The following CCR3 variants were observed in gnomAD, a reference collection of about 807,000 sequenced individuals.
CCR3 encodes the protein C-C motif chemokine receptor 3.
For missense variants in CCR3, 419 were observed against 437.5 expected (o/e 0.96, Z 0.38); for synonymous variants, 203 against 179.2 (o/e 1.13, Z -1.06).
chr3:46,227,643 A>G (rs1309111739), intron 2 of CCR3, among the ~76,000 whole-genome samples: 1 of 152,204 alleles, frequency 6.6e-6, no homozygotes, highest in African/African-American at 2.4e-5. Context: ...GTTCTTTTCT[A>G]ATGGAAGAAT....
At chr3:46,233,150 C>G (rs1699985314) in intron 2 of CCR3, among the ~76,000 whole-genome samples, 1 of 152,298 alleles carries the variant, frequency 6.6e-6, no homozygotes, top group East Asian at 1.9e-4. Flanking sequence ...TTTTGTAAAG[C>G]TTTCACAGGA....
intron 1 of CCR3, among the ~76,000 whole-genome samples, chr3:46,260,460 G>A (rs1411924589): frequency 6.6e-6 from 1 of 152,238 alleles, no homozygotes; most frequent in African/African-American, 2.4e-5. Context: ...TGAGGGTACA[G>A]GCATTGGGTA....
intron 1 of CCR3, among the ~76,000 whole-genome samples, chr3:46,257,674 A>G (rs1700454269): frequency 3.3e-5 from 5 of 152,180 alleles, no homozygotes; most frequent in African/African-American, 1.2e-4. Context: ...AATCTATATT[A>G]GTCTGGGTTC....
At chr3:46,260,560 T>C (rs34442386) in intron 1 of CCR3, among the ~76,000 whole-genome samples, 41,282 of 152,118 alleles carry the variant, frequency 0.27, 6,053 homozygotes, top group East Asian at 0.6. Context: ...CAGTCAAACC[T>C]TAAAGCTCCA....
chr3:46,232,089 TC>T (rs1320481460), intron 2 of CCR3, among the ~76,000 whole-genome samples: 2 of 152,236 alleles, frequency 1.3e-5, no homozygotes, highest in African/African-American at 4.8e-5. Flanking sequence ...AAATCATTGT[TC>T]AATTTTTTTC....
intron 2 of CCR3, among the ~76,000 whole-genome samples, chr3:46,221,143 G>A (rs890977278): frequency 1.3e-5 from 2 of 152,222 alleles, no homozygotes; most frequent in African/African-American, 4.8e-5. Flanking sequence ...TGGCCACGGA[G>A]AGTATTTACA....
chr3:46,253,408 C>A (rs1325249955), intron 1 of CCR3, among the ~76,000 whole-genome samples: 1 of 152,168 alleles, frequency 6.6e-6, no homozygotes, highest in Non-Finnish European at 1.5e-5. Flanking sequence ...ACTCTCTCCC[C>A]TCCCCAAAGT....
intron 1 of CCR3, among the ~76,000 whole-genome samples, chr3:46,260,513 G>C (rs146818166): frequency 0.011 from 1,649 of 152,194 alleles, 24 homozygotes; most frequent in Middle Eastern, 0.044. Flanking sequence ...AAAACAAAGG[G>C]GCTACAGGCC....
chr3:46,217,639 T>C (rs189024531), intron 2 of CCR3, among the ~76,000 whole-genome samples: 67 of 152,004 alleles, frequency 4.4e-4, no homozygotes, highest in African/African-American at 1.6e-3. Context: ...TGGAATAAAA[T>C]TGGAAATTAA....
At chr3:46,220,149 C>T (rs1419807877) in intron 2 of CCR3, among the ~76,000 whole-genome samples, 1 of 152,032 alleles carries the variant, frequency 6.6e-6, no homozygotes, top group African/African-American at 2.4e-5. Context: ...AAGAAAAGAA[C>T]AAATAATCCC....
upstream of CCR3, among the ~76,000 whole-genome samples, chr3:46,239,071 G>A (rs1353353525): frequency 6.6e-6 from 1 of 152,098 alleles, no homozygotes; most frequent in Non-Finnish European, 1.5e-5. Flanking sequence ...CCTTAAAATG[G>A]GTGCAAGCAA....
chr3:46,257,645 C>A (rs967957519), intron 1 of CCR3, among the ~76,000 whole-genome samples: 4 of 152,210 alleles, frequency 2.6e-5, no homozygotes, highest in East Asian at 3.9e-4. Context: ...AAGGATGATA[C>A]TCAGCTTCCT....
intron 2 of CCR3, among the ~76,000 whole-genome samples, chr3:46,215,470 G>A (rs185848496): frequency 8.5e-4 from 129 of 152,234 alleles, no homozygotes; most frequent in African/African-American, 3.0e-3. Flanking sequence ...AATCAGTGCT[G>A]GACCCTGCTG....
upstream of CCR3, among the ~76,000 whole-genome samples, chr3:46,238,759 T>C (rs1269808333): frequency 6.6e-6 from 1 of 152,152 alleles, no homozygotes; most frequent in Non-Finnish European, 1.5e-5. Context: ...TGGGGGGACC[T>C]GAGGGACCCT....
intron 2 of CCR3, among the ~76,000 whole-genome samples, chr3:46,215,910 T>G (rs565094513): frequency 6.6e-6 from 1 of 152,328 alleles, no homozygotes; most frequent in African/African-American, 2.4e-5. Context: ...TGGCTACTTC[T>G]GAGACCCAAC....
At chr3:46,239,226 C>T (rs900373665), upstream of CCR3, among the ~76,000 whole-genome samples, 2 of 152,146 alleles carry the variant, frequency 1.3e-5, no homozygotes, top group African/African-American at 4.8e-5. Context: ...ATGGAAGTGA[C>T]TGAATTTTTA....
chr3:46,232,982 G>A (rs1246241623), intron 2 of CCR3, among the ~76,000 whole-genome samples: 1 of 152,162 alleles, frequency 6.6e-6, no homozygotes, highest in Non-Finnish European at 1.5e-5. Flanking sequence ...ATAGGCACAC[G>A]CCACCACGCC....
chr3:46,211,952 C>T (rs952391790), intron 2 of CCR3, among the ~76,000 whole-genome samples: 5 of 152,174 alleles, frequency 3.3e-5, no homozygotes, highest in African/African-American at 1.2e-4. Context: ...GTCTAGGTCT[C>T]TGATTCCTTA....
intron 2 of CCR3, among the ~76,000 whole-genome samples, chr3:46,217,824 G>A (rs1699792036): frequency 2.6e-5 from 4 of 151,896 alleles, no homozygotes. Context: ...GCGGTGCTAA[G>A]AGGAAAGTTC....
Sources: allele counts gnomAD v4.1 joint callset (sites outside exome capture counted in the v4.1 genomes callset), GRCh38; gene constraint gnomAD v4.1.1; transcripts MANE v1.5; gene names NCBI Gene and HGNC (gene_info 2026-07-23, HGNC 2026-07-21).